Variants in FARP2 observed in about 807,000 individuals in gnomAD.
The protein encoded by FARP2 is FERM, ARHGEF and pleckstrin domain-containing protein 2.
In FARP2, 111 loss-of-function variants were observed where a neutral mutation model predicts 130.5. That is an observed-to-expected ratio of 0.85 (90% CI 0.73 to 1.00). The LOEUF is 1.00. Among genes scored for constraint, FARP2 ranks in the 50% least tolerant of loss-of-function variants. The pLI, the probability that FARP2 is intolerant of heterozygous loss-of-function variation, is 0.00. For synonymous variants in FARP2, 504 were observed against 516.9 expected, an observed-to-expected ratio of 0.98 and a Z score of 0.34; for missense variants, 1,385 against 1,346.3, an observed-to-expected ratio of 1.03 and a Z score of -0.45.
At chr2:241,436,363 C>G in intron 11 of FARP2, 118 bp from the exon 12 acceptor site, 1 of 836,010 alleles carries the variant, frequency 1.2e-6, no homozygotes, top group East Asian at 2.5e-5. Flanking sequence ...TTAGATACCT[C>G]TTAGCTACAT....
intron 1 of FARP2, among the ~76,000 whole-genome samples, chr2:241,371,460 G>C (rs556814150): frequency 3.5e-4 from 54 of 152,284 alleles, no homozygotes; most frequent in African/African-American, 1.3e-3. Flanking sequence ...CTTCAGCCTG[G>C]GCAACAGAGC....
chr2:241,381,003 C>T (rs897490312), intron 2 of FARP2, among the ~76,000 whole-genome samples: 1 of 152,170 alleles, frequency 6.6e-6, no homozygotes, highest in Non-Finnish European at 1.5e-5. Flanking sequence ...AATCTCAGCC[C>T]TTACCCCCCT....
chr2:241,435,075 A>G (rs760017760), intron 11 of FARP2, 45 bp downstream of exon 11: 3 of 1,171,028 alleles, frequency 2.6e-6, no homozygotes, highest in Non-Finnish European at 2.5e-6. Context: ...TTTTAAAATT[A>G]AAATTTAAAT....
intron 20 of FARP2, 199 bp downstream of exon 20, chr2:241,483,732 C>T: frequency 1.1e-6 from 1 of 921,636 alleles, no homozygotes; most frequent in Non-Finnish European, 1.3e-6. Flanking sequence ...AAACAGCTTC[C>T]CCACCCACCC....
intron 17 of FARP2, among the ~76,000 whole-genome samples, chr2:241,466,827 C>T (rs1013909656): frequency 2.0e-5 from 3 of 152,070 alleles, no homozygotes; most frequent in Non-Finnish European, 4.4e-5. Context: ...TATGTAAATA[C>T]GGCCAGCTCT....
chr2:241,477,070 T>A (rs2064487828), intron 19 of FARP2, among the ~76,000 whole-genome samples: 1 of 151,746 alleles, frequency 6.6e-6, no homozygotes, highest in East Asian at 1.9e-4. Context: ...TAATGTGGCC[T>A]CTTGTGACTC....
intron 12 of FARP2, among the ~76,000 whole-genome samples, chr2:241,438,760 G>A (rs925065866): frequency 1.1e-4 from 16 of 150,242 alleles, no homozygotes; most frequent in African/African-American, 3.9e-4. Context: ...CTCCTGAGTA[G>A]CTGGGACTAC....
intron 12 of FARP2, among the ~76,000 whole-genome samples, chr2:241,441,064 T>C (rs1314095961): frequency 6.6e-6 from 1 of 151,294 alleles, no homozygotes; most frequent in Non-Finnish European, 1.5e-5. Context: ...GGATATTTCA[T>C]GTCATAAGAG....
chr2:241,462,373 G>T (rs1360498820), intron 14 of FARP2, 150 bp from the exon 15 acceptor site: 1 of 548,950 alleles, frequency 1.8e-6, no homozygotes, highest in Non-Finnish European at 3.3e-6. Flanking sequence ...TTTTACTCAG[G>T]GATAAATCTC....
intron 20 of FARP2, 158 bp from the exon 21 acceptor site, chr2:241,484,084 C>T (rs1261704233): frequency 4.9e-6 from 7 of 1,420,270 alleles, no homozygotes; most frequent in South Asian, 2.9e-5. Flanking sequence ...TGGTCAAAAA[C>T]GACCAAATGA....
In FARP2 at chr2:241,402,817, G is replaced by GCCACTACAC. The variant is rs2062204839; in HGVS notation, c.184-1007_184-999dup. The stretch of plus-strand genomic sequence containing the variant: ...GAGTTAGCTGGGACTACAGGTGCAC[G>GCCACTACAC]CCACTACACCCAGCTAATTTATATA... On this transcript the variant is annotated intron_variant, in intron 2 of 26. Coordinates refer to ENST00000264042, the MANE Select transcript of FARP2 (RefSeq NM_014808.4). 3.8e-5 allele frequency among the ~76,000 whole-genome samples: 4 copies of GCCACTACAC among 106,046 alleles called. No individual in the cohort carries two copies. The South Asian group carries it at 1.4e-3, about 38-fold the overall frequency. 69.6% of individuals were successfully genotyped at this position (106,046 alleles called of 152,430 possible). A position where few individuals can be genotyped will look rare whatever the true frequency, so the allele number is the denominator to read the frequency against.
intron 2 of FARP2, among the ~76,000 whole-genome samples, chr2:241,388,411 A>C (rs1430217919): frequency 2.0e-5 from 3 of 152,236 alleles, no homozygotes; most frequent in Non-Finnish European, 2.9e-5. Flanking sequence ...ACTTCACATC[A>C]TACTCAAAAA....
chr2:241,365,012 G>A (rs1483325443), intron 1 of FARP2, among the ~76,000 whole-genome samples: 1 of 152,160 alleles, frequency 6.6e-6, no homozygotes, highest in Non-Finnish European at 1.5e-5. Flanking sequence ...AAGCAGCTTC[G>A]TTTTCAAGGC....
At chr2:241,399,217 T>G (rs572219603) in intron 2 of FARP2, among the ~76,000 whole-genome samples, 1 of 152,242 alleles carries the variant, frequency 6.6e-6, no homozygotes, top group Non-Finnish European at 1.5e-5. Context: ...TATTTAAGTC[T>G]TTCGGCCCAT....
intron 2 of FARP2, among the ~76,000 whole-genome samples, chr2:241,396,524 G>T (rs1360156168): frequency 2.6e-5 from 4 of 152,108 alleles, no homozygotes; most frequent in African/African-American, 9.7e-5. Context: ...GTGGGTGAAG[G>T]ACATGAACAG....
intron 2 of FARP2, among the ~76,000 whole-genome samples, chr2:241,380,021 A>G (rs532482821): frequency 5.9e-5 from 9 of 152,312 alleles, no homozygotes; most frequent in African/African-American, 1.9e-4. Flanking sequence ...AAGCCCTAAC[A>G]CACATACACA....
At chr2:241,466,644 AC>A in intron 17 of FARP2, 1 of 891,806 alleles carries the variant, frequency 1.1e-6, no homozygotes, top group South Asian at 5.5e-5. Flanking sequence ...ACCACCCCTC[AC>A]CCCCAGGCAG....
intron 1 of FARP2, among the ~76,000 whole-genome samples, chr2:241,365,407 C>T (rs1214964282): frequency 6.6e-6 from 1 of 152,122 alleles, no homozygotes; most frequent in Non-Finnish European, 1.5e-5. Flanking sequence ...ACCCACAATA[C>T]CACTAAAACA....
intron 2 of FARP2, among the ~76,000 whole-genome samples, chr2:241,378,133 A>T (rs2061580427): frequency 6.6e-6 from 1 of 150,552 alleles, no homozygotes; most frequent in South Asian, 2.1e-4. Context: ...GCAGAATTTC[A>T]CTCTGTCGCT....
Sources: gnomAD v4.1 joint callset for allele counts (sites outside exome capture counted in the v4.1 genomes callset) on GRCh38, gnomAD v4.1.1 for gene constraint, MANE v1.5 for transcripts, NCBI Gene and HGNC (gene_info 2026-07-23, HGNC 2026-07-21) for gene names.